The following NF2 variants were observed in gnomAD, a reference collection of about 807,000 sequenced individuals.
NF2 encodes NF2, moesin-ezrin-radixin like (MERLIN) tumor suppressor.
A neutral mutation model predicts 83.7 loss-of-function variants in NF2; 8 were observed. The observed-to-expected ratio is 0.10, with a 90% CI of 0.06 to 0.17. The LOEUF (loss-of-function observed/expected upper bound fraction) is 0.17. NF2 is among the 10% of genes least tolerant of loss of function. The pLI is 1.00. For missense variants in NF2, 533 were observed against 744.4 expected (o/e 0.72, Z 3.31); for synonymous variants, 266 against 269.6 (o/e 0.99, Z 0.13).
At chr22:29,670,455 A>G (rs1051701122) in intron 10 of NF2, among the ~76,000 whole-genome samples, 1 of 151,502 alleles carries the variant, frequency 6.6e-6, no homozygotes, top group Admixed American at 6.6e-5. Flanking sequence ...AAAATTGGAG[A>G]AGAACTTTCA....
intron 15 of NF2, among the ~76,000 whole-genome samples, chr22:29,685,039 G>A (rs573834037): frequency 6.6e-6 from 1 of 151,186 alleles, no homozygotes; most frequent in South Asian, 2.1e-4. Flanking sequence ...GGGATGAGAT[G>A]CAAAAGCTGA....
At chr22:29,652,947 G>A (rs927407829) in intron 4 of NF2, among the ~76,000 whole-genome samples, 1 of 152,068 alleles carries the variant, frequency 6.6e-6, no homozygotes, top group Non-Finnish European at 1.5e-5. Context: ...TATAGACAGG[G>A]TCTTCCACTG....
At chr22:29,683,173 G>C in intron 15 of NF2, 1 of 1,612,216 alleles carries the variant, frequency 6.2e-7, no homozygotes, top group Non-Finnish European at 8.5e-7. Context: ...GAGCCCTTAC[G>C]AGGGCAGGTG....
intron 3 of NF2, among the ~76,000 whole-genome samples, chr22:29,639,859 G>A (rs1444415623): frequency 7.7e-6 from 1 of 129,220 alleles, no homozygotes; most frequent in African/African-American, 3.0e-5. Context: ...TCCAGCTTGG[G>A]CAACAGAGTG....
rs1358628407 is a variant in NF2 at position 29,665,164 on chromosome 22, A to G, written c.885+100A>G. 6.5e-6 allele frequency: 6 copies of G among 917,146 alleles called. No homozygotes were observed. The Admixed American group carries it at 1.2e-4, about 18-fold the overall frequency. The allele number at this position is 917,146 out of a possible 1,614,324, so 56.8% of individuals were successfully genotyped here. Reference sequence around the variant, plus strand: ...ATCAGAGTGACATCTTGTGAAGTATAGAATGGTATCTCACTTGGCGCATAC... The same window carrying G: ...ATCAGAGTGACATCTTGTGAAGTATGGAATGGTATCTCACTTGGCGCATAC... On this transcript the variant is annotated intron_variant, in intron 9 of 15. Coordinates refer to ENST00000338641, the MANE Select transcript of NF2 (RefSeq NM_000268.4).
chr22:29,680,150 C>T (rs545762723), intron 14 of NF2, among the ~76,000 whole-genome samples: 39 of 151,484 alleles, frequency 2.6e-4, no homozygotes, highest in African/African-American at 1.2e-4. Flanking sequence ...CTCACTCCAT[C>T]GCCCAGGCTG....
chr22:29,698,476 A>C lies in NF2; in HGVS notation c.*3674A>C, dbSNP rs1042716683. 1 of 212,648 alleles carries C rather than the reference A, an allele frequency of 4.7e-6. No homozygotes were observed. Among genetic ancestry groups the C allele is most frequent in the East Asian group, 6.9e-5 (1 of 14,428 alleles). The allele number at this position is 212,648 out of a possible 1,614,324, so 13.2% of individuals were successfully genotyped here. On this transcript the variant is annotated 3_prime_UTR_variant, in exon 16 of 16. Transcript: ENST00000338641. ...TCCATTTTCAAAGATGTCAAACGTC[A>C]CTTCTTCCTGTAGGGCCCGAGTCCT...
At chr22:29,673,008 C>T (rs1247190911) in intron 11 of NF2, among the ~76,000 whole-genome samples, 2 of 152,212 alleles carry the variant, frequency 1.3e-5, no homozygotes, top group Non-Finnish European at 2.9e-5. Flanking sequence ...TTGTTTTTCT[C>T]CACGTGAAGC....
chr22:29,636,415 C>T lies in NF2; in HGVS notation c.115-336C>T, dbSNP rs2146848417. Reference sequence around the variant, plus strand: ...GAATGTCCCTAGAAGCTAGCCATCTCCCCGAGTTAACTTAAGAGGCTAGAC... The same window carrying T: ...GAATGTCCCTAGAAGCTAGCCATCTTCCCGAGTTAACTTAAGAGGCTAGAC... On this transcript the variant is annotated intron_variant, in intron 1 of 15. Transcript: ENST00000338641. The surrounding 1 kb of genome is among the most constrained non-coding windows in gnomAD (Gnocchi z 4.4). Among the ~76,000 whole-genome samples, 1 of 152,288 alleles carries T rather than the reference C, an allele frequency of 6.6e-6. No individual in the cohort carries two copies. Among genetic ancestry groups the T allele is most frequent in the East Asian group, 1.9e-4 (1 of 5,184 alleles).
At chr22:29,642,176 C>A (rs1040896962) in intron 3 of NF2, 26 bp from the exon 4 acceptor site, 4 of 1,586,154 alleles carry the variant, frequency 2.5e-6, no homozygotes, top group Non-Finnish European at 3.5e-6. Flanking sequence ...CACAGAGTAT[C>A]ATGTCTCCCT....
At chr22:29,671,988 G>A (rs1176555745) in intron 11 of NF2, 40 bp downstream of exon 11, 4 of 1,613,888 alleles carry the variant, frequency 2.5e-6, no homozygotes, top group Non-Finnish European at 2.5e-6. Context: ...GGCTACTTGG[G>A]GACTTCCTTG....
At position 29,655,583 on chromosome 22, in the gene NF2, T is replaced by C. The variant is rs1370862527; in HGVS notation, c.517-11T>C. On this transcript the variant is annotated splice_polypyrimidine_tract_variant and intron_variant, in intron 5 of 15. Transcript: ENST00000338641. ...TGTGTAGGTTTTTTATTTTGCTCTA[T>C]TTTTTGGTAGGTAATAAATCTGTAT... 3 of 1,606,418 alleles carry C rather than the reference T, an allele frequency of 1.9e-6. No homozygotes were observed. The highest frequency in any genetic ancestry group is 1.7e-6 in the Non-Finnish European group (2 of 1,173,050).
chr22:29,640,194 TAA>T (rs11379333), intron 3 of NF2, among the ~76,000 whole-genome samples: 11,451 of 92,710 alleles, frequency 0.12, 903 homozygotes, highest in African/African-American at 0.25. Context: ...GACTCTGTCT[TAA>T]AAAAAAAAAA....
At chr22:29,682,919 C>G in intron 15 of NF2, 1 of 1,395,574 alleles carries the variant, frequency 7.2e-7, no homozygotes, top group Non-Finnish European at 1.0e-6. Flanking sequence ...TCACTCATCA[C>G]GATTTCAGGC....
rs35328234 is a variant in NF2, at chr22:29,665,236, GT to G, written c.885+183del. Among the ~76,000 whole-genome samples the G allele has an allele frequency of 0.62, 91,474 of 148,650 alleles. 28,176 individuals carry two copies. Among genetic ancestry groups the G allele is most frequent in the East Asian group, 0.79 (4,040 of 5,082 alleles). On this transcript the variant is annotated intron_variant, in intron 9 of 15. Coordinates refer to ENST00000338641, the MANE Select transcript of NF2 (RefSeq NM_000268.4). ...TAAAACTAAATTATATCATGAAGAAGTTTTTTTTTTTGTTTTTTTTTTGAGA... is the reference window on the plus strand; with the variant it reads ...TAAAACTAAATTATATCATGAAGAAGTTTTTTTTTTGTTTTTTTTTTGAGA...
At chr22:29,654,353 T>G (rs2066238055) in intron 4 of NF2, among the ~76,000 whole-genome samples, 1 of 152,254 alleles carries the variant, frequency 6.6e-6, no homozygotes, top group Non-Finnish European at 1.5e-5. Context: ...CAAAAGCTAC[T>G]GTTTTGGAAG....
chr22:29,605,384 C>T (rs2098834530), intron 1 of NF2, among the ~76,000 whole-genome samples: 1 of 152,060 alleles, frequency 6.6e-6, no homozygotes, highest in African/African-American at 2.4e-5. Context: ...AGGCTGATCT[C>T]GAACTCCTGA....
At chr22:29,654,595 T>A in intron 4 of NF2, 62 bp from the exon 5 acceptor site, 1 of 1,400,356 alleles carries the variant, frequency 7.1e-7, no homozygotes, top group Non-Finnish European at 1.0e-6. Flanking sequence ...GGTCCAGCTC[T>A]GTTCAGAAAT....
rs2147094255 is a variant in NF2, at chr22:29,674,955, C to T, written c.1446+14C>T. ...CCCACGTACCCGGTGAGCCTGGGGG[C>T]CACCAGCTGGGGCTGCCTTAGTCCT... On this transcript the variant is annotated intron_variant, in intron 13 of 15. Transcript: ENST00000338641. 6.4e-7 allele frequency: 1 copy of T among 1,550,442 alleles called. No homozygotes were observed.
Sources: allele counts gnomAD v4.1 joint callset (sites outside exome capture counted in the v4.1 genomes callset), GRCh38; gene constraint gnomAD v4.1.1; non-coding constraint Gnocchi (gnomAD v3.1); transcripts MANE v1.5; gene names NCBI Gene and HGNC (gene_info 2026-07-23, HGNC 2026-07-21).